Variants in TTC34 observed in about 807,000 individuals in gnomAD.
The protein encoded by TTC34 is tetratricopeptide repeat protein 34.
In TTC34, 44 loss-of-function variants were observed where a neutral mutation model predicts 40.7. The ratio of observed to expected loss-of-function variants is 1.08; its 90% confidence interval spans 0.85 to 1.39. The LOEUF is 1.39. Among genes scored for constraint, TTC34 ranks in the 40% most tolerant of loss-of-function variants. The pLI is 0.00. For missense variants in TTC34, 884 were observed against 838.0 expected, an observed-to-expected ratio of 1.05 and a Z score of -0.68; for synonymous variants, 422 against 398.6, an observed-to-expected ratio of 1.06 and a Z score of -0.70.
At chr1:2,641,346 G>A in exon 9 of TTC34, 1 of 1,473,990 alleles carries the variant, frequency 6.8e-7, no homozygotes, top group Middle Eastern at 1.8e-4. Context: ...CGTGATTAGG[G>A]CTGGGAGAGG....
chr1:2,684,421 G>C (rs1437872936), intron 6 of TTC34, among the ~76,000 whole-genome samples: 5 of 151,286 alleles, frequency 3.3e-5, no homozygotes, highest in African/African-American at 1.2e-4. Context: ...TGACAGACTG[G>C]AACACCACCC....
intron 6 of TTC34, among the ~76,000 whole-genome samples, chr1:2,683,262 C>T (rs547479849): frequency 5.5e-5 from 8 of 145,304 alleles, no homozygotes; most frequent in East Asian, 2.1e-4. Context: ...TTTGCAGCAG[C>T]ACCCACACCC....
At chr1:2,801,226 A>C (rs2100640127) in intron 1 of TTC34, among the ~76,000 whole-genome samples, 1 of 151,604 alleles carries the variant, frequency 6.6e-6, no homozygotes, top group Admixed American at 6.6e-5. Flanking sequence ...CCCCGGACCC[A>C]CCCTCTGCCC....
chr1:2,687,316 C>G (rs1269049535), intron 6 of TTC34, among the ~76,000 whole-genome samples: 1 of 97,040 alleles, frequency 1.0e-5, no homozygotes, highest in Non-Finnish European at 1.9e-5. Context: ...CGTGGAACAG[C>G]ACCCCAAACC....
At position 2,749,518 on chromosome 1, in the gene TTC34, C is replaced by T. The variant is rs1177690163; in HGVS notation, c.2226+34091G>A. 1.9e-4 allele frequency among the ~76,000 whole-genome samples: 15 copies of T among 79,204 alleles called. 1 individual carries two copies. The highest frequency in any genetic ancestry group is 3.6e-4 in the African/African-American group (4 of 11,110). 52.0% of individuals were successfully genotyped at this position (79,204 alleles called of 152,430 possible). ...AGCATTGGACAGCCTGGAGCAGCAC[C>T]CAGATTCCCAGGCAAGCATCTGAAC... On this transcript the variant is annotated intron_variant, in intron 6 of 8. Transcript: ENST00000401095.
At chr1:2,779,571 C>T (rs1643445740) in intron 6 of TTC34, among the ~76,000 whole-genome samples, 1 of 152,198 alleles carries the variant, frequency 6.6e-6, no homozygotes, top group African/African-American at 2.4e-5. Flanking sequence ...GATCCACCCT[C>T]CTTGGCCTCT....
chr1:2,685,234 CA>C (rs1640277023), intron 6 of TTC34, among the ~76,000 whole-genome samples: 9 of 64,242 alleles, frequency 1.4e-4, no homozygotes, highest in Non-Finnish European at 2.1e-4. Context: ...GAGCAGCACC[CA>C]CACCCCAGGT....
chr1:2,674,762 C>A (rs1639832879), intron 6 of TTC34, among the ~76,000 whole-genome samples: 1 of 87,738 alleles, frequency 1.1e-5, no homozygotes. Flanking sequence ...CAACCACACT[C>A]CCAGGCGAGC....
chr1:2,644,560 C>G, intron 7 of TTC34, 82 bp from the exon 8 acceptor site: 1 of 1,385,866 alleles, frequency 7.2e-7, no homozygotes, highest in East Asian at 2.5e-5. Flanking sequence ...GCCGCTCCTT[C>G]CCTGCCCTGT....
intron 6 of TTC34, among the ~76,000 whole-genome samples, chr1:2,772,937 C>G (rs1158241597): frequency 5.4e-5 from 7 of 130,528 alleles, no homozygotes; most frequent in African/African-American, 1.6e-4. Context: ...AGCACCCATA[C>G]CCCCAGGCGA....
chr1:2,652,444 C>G (rs111991463), intron 6 of TTC34, among the ~76,000 whole-genome samples: 1 of 14,414 alleles, frequency 6.9e-5, no homozygotes, highest in Admixed American at 1.2e-3. Context: ...AGCACCCACA[C>G]CCCCAGGTGA....
chr1:2,683,398 GT>G lies in TTC34; in HGVS notation c.2227-37836del, dbSNP rs1429097156. 3.9e-3 allele frequency among the ~76,000 whole-genome samples: 573 copies of G among 146,214 alleles called. 37 individuals carry two copies. The highest frequency in any genetic ancestry group is 5.7e-3 in the Non-Finnish European group (378 of 66,398). On this transcript the variant is annotated intron_variant, in intron 6 of 8. Coordinates refer to ENST00000401095, the Ensembl canonical transcript of TTC34. ...CTTGGAACAGCACCCACACGCCCAG[GT>G]GAGCATCCGATAGCCTGGAACACCA... is the stretch of plus-strand genomic sequence containing the variant.
chr1:2,749,070 C>T (rs1569684817), intron 6 of TTC34, among the ~76,000 whole-genome samples: 4 of 133,018 alleles, frequency 3.0e-5, no homozygotes, highest in Middle Eastern at 8.9e-3. Flanking sequence ...CAGCCTGGAG[C>T]AGCACCCACA....
At chr1:2,749,443 C>G (rs1415346677) in intron 6 of TTC34, among the ~76,000 whole-genome samples, 19 of 79,476 alleles carry the variant, frequency 2.4e-4, no homozygotes, top group East Asian at 2.1e-3. Flanking sequence ...AGCACCGACA[C>G]CCCCAGGTGA....
intron 6 of TTC34, among the ~76,000 whole-genome samples, chr1:2,755,681 C>T (rs1482396007): frequency 2.8e-3 from 19 of 6,784 alleles, no homozygotes; most frequent in Non-Finnish European, 3.6e-3. Flanking sequence ...GAGCATCTGA[C>T]ATCGTGGAGC....
chr1:2,652,389 T>C (rs1357874723), intron 6 of TTC34, among the ~76,000 whole-genome samples: 127 of 3,900 alleles, frequency 0.033, no homozygotes, highest in African/African-American at 0.079. Flanking sequence ...TCTGACAGCC[T>C]GGAGCAGCAC....
At chr1:2,768,302 G>A (rs917588820) in intron 6 of TTC34, among the ~76,000 whole-genome samples, 19 of 152,166 alleles carry the variant, frequency 1.2e-4, no homozygotes, top group Non-Finnish European at 1.9e-4. Context: ...GTTTTTGGAT[G>A]TTCGCATGGG....
chr1:2,655,916 C>T (rs1392075735), intron 6 of TTC34, among the ~76,000 whole-genome samples: 3 of 152,084 alleles, frequency 2.0e-5, no homozygotes, highest in Admixed American at 2.0e-4. Context: ...CATCTGACAG[C>T]GTGGAGCAGC....
chr1:2,681,947 C>T (rs1288128661), intron 6 of TTC34, among the ~76,000 whole-genome samples: 2 of 120,916 alleles, frequency 1.7e-5, no homozygotes, highest in Non-Finnish European at 3.6e-5. Context: ...CACCAACACC[C>T]CAAGGCGAGC....
Sources: gnomAD v4.1 joint callset for allele counts (sites outside exome capture counted in the v4.1 genomes callset) on GRCh38, gnomAD v4.1.1 for gene constraint, MANE v1.5 for transcripts, NCBI Gene and HGNC (gene_info 2026-07-23, HGNC 2026-07-21) for gene names.